Variants in GRID2 observed in about 807,000 individuals in gnomAD.
The protein encoded by GRID2 is glutamate receptor ionotropic, delta-2.
GRID2 carries 33 observed loss-of-function variants against 114.8 expected under a neutral mutation model. That is an observed-to-expected ratio of 0.29 (90% CI 0.22 to 0.38). GRID2 has a LOEUF of 0.38. Among genes scored for constraint, GRID2 ranks in the 10% least tolerant of loss-of-function variants. The probability of loss-of-function intolerance (pLI) is 1.00; values close to 1 mark genes in which losing one functional copy is unlikely to be tolerated. For missense variants in GRID2, 1,184 were observed against 1,257.7 expected (o/e 0.94, Z 0.89); for synonymous variants, 505 against 449.9 (o/e 1.12, Z -1.55).
intron 2 of GRID2, among the ~76,000 whole-genome samples, chr4:92,922,490 C>G (rs1003517329): frequency 1.3e-5 from 2 of 152,044 alleles, no homozygotes; most frequent in Non-Finnish European, 2.9e-5. Context: ...CTCTCCACCC[C>G]CCCAGAAACT....
chr4:92,944,522 C>T (rs559037436), intron 2 of GRID2, among the ~76,000 whole-genome samples: 29 of 152,322 alleles, frequency 1.9e-4, no homozygotes, highest in Middle Eastern at 6.8e-3. Flanking sequence ...TTACACTTCC[C>T]GGTTGAGGCG....
intron 9 of GRID2, among the ~76,000 whole-genome samples, chr4:93,408,063 C>A (rs890301453): frequency 6.6e-6 from 1 of 152,004 alleles, no homozygotes; most frequent in Non-Finnish European, 1.5e-5. Flanking sequence ...CAGTAAAGTA[C>A]TCAAGAAAAA....
At chr4:92,756,809 G>GT (rs1472590490) in intron 2 of GRID2, among the ~76,000 whole-genome samples, 1 of 151,718 alleles carries the variant, frequency 6.6e-6, no homozygotes, top group African/African-American at 2.4e-5. Flanking sequence ...AATGTTTGGG[G>GT]TTTTTTTATG....
chr4:93,368,629 A>G (rs1762574190), intron 8 of GRID2, among the ~76,000 whole-genome samples: 1 of 152,260 alleles, frequency 6.6e-6, no homozygotes, highest in East Asian at 1.9e-4. Context: ...AAATATCCAG[A>G]TTAAATGTAG....
At chr4:93,340,503 G>A (rs1759540237) in intron 8 of GRID2, among the ~76,000 whole-genome samples, 1 of 152,014 alleles carries the variant, frequency 6.6e-6, no homozygotes, top group Non-Finnish European at 1.5e-5. Flanking sequence ...CTAATTAGAA[G>A]GGGAGGAGTT....
chr4:92,880,644 A>G lies in GRID2; in HGVS notation c.245-204351A>G, dbSNP rs569552642. 4.6e-5 allele frequency among the ~76,000 whole-genome samples: 7 copies of G among 152,332 alleles called. No homozygotes were observed. The East Asian group carries it at 1.4e-3, about 29-fold the overall frequency. The stretch of plus-strand genomic sequence containing the variant: ...ACCAATTAGTATCTATATATTCTAG[A>G]GGGATAATAAATATGGCCTTTTCAA... On this transcript the variant is annotated intron_variant, in intron 2 of 15. Coordinates refer to ENST00000282020, the MANE Select transcript of GRID2 (RefSeq NM_001510.4).
chr4:92,830,430 T>C (rs1457829116), intron 2 of GRID2, among the ~76,000 whole-genome samples: 2 of 152,144 alleles, frequency 1.3e-5, no homozygotes, highest in Non-Finnish European at 2.9e-5. Context: ...CATTATGGCA[T>C]TAATCATTCA....
At chr4:92,402,818 A>C (rs2110284117) in intron 1 of GRID2, among the ~76,000 whole-genome samples, 1 of 152,260 alleles carries the variant, frequency 6.6e-6, no homozygotes, top group East Asian at 1.9e-4. Context: ...GAGAGTCAGC[A>C]TATCCTTTGA....
chr4:92,927,253 A>G (rs996770286), intron 2 of GRID2, among the ~76,000 whole-genome samples: 4 of 151,834 alleles, frequency 2.6e-5, no homozygotes, highest in African/African-American at 4.8e-5. Flanking sequence ...TAATACCCCT[A>G]TCTTAGTTGT....
intron 8 of GRID2, among the ~76,000 whole-genome samples, chr4:93,284,617 C>G (rs1388928544): frequency 6.6e-6 from 1 of 151,710 alleles, no homozygotes; most frequent in Non-Finnish European, 1.5e-5. Flanking sequence ...CCCACTCCAC[C>G]TTGTTTGAAG....
At chr4:92,434,256 C>T (rs900520192) in intron 1 of GRID2, among the ~76,000 whole-genome samples, 4 of 151,906 alleles carry the variant, frequency 2.6e-5, no homozygotes, top group African/African-American at 9.7e-5. Flanking sequence ...TCTCTGATGG[C>T]CACACAGCAA....
Position 93,521,341 on chromosome 4 carries a change from A to G in GRID2, c.2193+5930A>G, listed in dbSNP as rs1308726337. ...GAGTATATCTGGAAAAGAAAAACATATAAACACAATTTAATATTTAGAGGA... is the reference window on the plus strand; with the variant it reads ...GAGTATATCTGGAAAAGAAAAACATGTAAACACAATTTAATATTTAGAGGA... On this transcript the variant is annotated intron_variant, in intron 13 of 15. Coordinates refer to ENST00000282020, the MANE Select transcript of GRID2 (RefSeq NM_001510.4). 2.6e-5 allele frequency among the ~76,000 whole-genome samples: 4 copies of G among 152,192 alleles called. No individual in the cohort carries two copies. In the South Asian group the frequency reaches 6.2e-4, roughly 24 times the overall value.
At chr4:93,536,524 A>T (rs894079555) in intron 13 of GRID2, among the ~76,000 whole-genome samples, 5 of 151,868 alleles carry the variant, frequency 3.3e-5, no homozygotes, top group African/African-American at 1.2e-4. Context: ...CTGAATCCTT[A>T]TATAAATTAA....
chr4:92,580,890 GT>G (rs1553903037), intron 1 of GRID2, among the ~76,000 whole-genome samples: 4,169 of 113,006 alleles, frequency 0.037, 164 homozygotes, highest in East Asian at 0.12. Context: ...TTGCCTATTT[GT>G]TTTTTTTTTT....
At chr4:93,776,602 A>G (rs866354680), downstream of GRID2, among the ~76,000 whole-genome samples, 8 of 152,262 alleles carry the variant, frequency 5.3e-5, no homozygotes, top group African/African-American at 1.9e-4. Context: ...TTACAGAATG[A>G]GTCACCCCAA....
chr4:93,032,751 G>A (rs1430013304), intron 2 of GRID2, among the ~76,000 whole-genome samples: 1 of 152,098 alleles, frequency 6.6e-6, no homozygotes, highest in African/African-American at 2.4e-5. Flanking sequence ...AGGCTGAAAA[G>A]ATAGAATGTA....
chr4:92,622,483 G>A (rs1730320823), intron 2 of GRID2, among the ~76,000 whole-genome samples: 1 of 151,676 alleles, frequency 6.6e-6, no homozygotes, highest in Non-Finnish European at 1.5e-5. Flanking sequence ...CTGTACAAGA[G>A]AGTAATAAGA....
chr4:92,359,568 T>C (rs533019425), intron 1 of GRID2, among the ~76,000 whole-genome samples: 8 of 152,002 alleles, frequency 5.3e-5, no homozygotes, highest in Non-Finnish European at 1.0e-4. Context: ...ACATGTGTTA[T>C]GCTTACTCTT....
At chr4:92,440,615 A>T (rs1427539259) in intron 1 of GRID2, among the ~76,000 whole-genome samples, 1 of 151,854 alleles carries the variant, frequency 6.6e-6, no homozygotes, top group Admixed American at 6.6e-5. Flanking sequence ...GATTTCCACG[A>T]TGGAAAGGAA....
Sources: gnomAD v4.1 joint callset for allele counts (sites outside exome capture counted in the v4.1 genomes callset) on GRCh38, gnomAD v4.1.1 for gene constraint, MANE v1.5 for transcripts, NCBI Gene and HGNC (gene_info 2026-07-23, HGNC 2026-07-21) for gene names.